LTBP1: variants seen among roughly 807,000 people sequenced by gnomAD.
LTBP1 encodes the protein latent-transforming growth factor beta-binding protein 1.
In LTBP1, 129 loss-of-function variants were observed where a neutral mutation model predicts 207.6. The observed-to-expected ratio is 0.62, with a 90% confidence interval of 0.54 to 0.72. The LOEUF (loss-of-function observed/expected upper bound fraction) is 0.72. Ranked by LOEUF, LTBP1 falls within the 30% of genes least tolerant of loss-of-function variation. The pLI, the probability that LTBP1 is intolerant of heterozygous loss-of-function variation, is 0.00. For synonymous variants in LTBP1, 963 were observed against 833.7 expected, an observed-to-expected ratio of 1.16 and a Z score of -2.67; for missense variants, 2,281 against 2,217.2, an observed-to-expected ratio of 1.03 and a Z score of -0.58.
At chr2:33,238,966 ATTACT>A (rs1202311421) in intron 9 of LTBP1, among the ~76,000 whole-genome samples, 1 of 152,138 alleles carries the variant, frequency 6.6e-6, no homozygotes, top group Admixed American at 6.6e-5. Flanking sequence ...TGTATACCTG[ATTACT>A]TTATATTCTT....
chr2:33,273,332 T>G (rs1337868762), intron 15 of LTBP1, among the ~76,000 whole-genome samples: 1 of 152,236 alleles, frequency 6.6e-6, no homozygotes, highest in Non-Finnish European at 1.5e-5. Flanking sequence ...AACTCATTAA[T>G]AGGCCATTTT....
At chr2:33,337,197 A>G (rs148328932) in intron 24 of LTBP1, among the ~76,000 whole-genome samples, 4 of 152,084 alleles carry the variant, frequency 2.6e-5, no homozygotes, top group African/African-American at 9.7e-5. Context: ...TTCGAGTTCT[A>G]CTCTAGTATG....
At chr2:33,084,014 C>T (rs745704664) in intron 3 of LTBP1, among the ~76,000 whole-genome samples, 48 of 152,074 alleles carry the variant, frequency 3.2e-4, no homozygotes, top group Admixed American at 5.2e-4. Flanking sequence ...GAGACCTTGC[C>T]GAGTGTTAAT....
chr2:33,282,411 G>C (rs952563139), intron 19 of LTBP1, among the ~76,000 whole-genome samples: 2 of 152,082 alleles, frequency 1.3e-5, no homozygotes, highest in Non-Finnish European at 2.9e-5. Flanking sequence ...TTTCTCATGA[G>C]GGCCTTTGCA....
At chr2:33,116,896 A>G (rs2080779606) in intron 4 of LTBP1, among the ~76,000 whole-genome samples, 1 of 152,226 alleles carries the variant, frequency 6.6e-6, no homozygotes, top group African/African-American at 2.4e-5. Context: ...AAGCACGCAC[A>G]GGGTCCCTAT....
chr2:32,995,065 T>A (rs1424138253), intron 2 of LTBP1, among the ~76,000 whole-genome samples: 2 of 152,016 alleles, frequency 1.3e-5, no homozygotes, highest in Admixed American at 1.3e-4. Context: ...GTGCCTGTAG[T>A]CTCAGCTGCT....
chr2:33,298,819 GAAAC>G (rs1316727125), intron 20 of LTBP1, among the ~76,000 whole-genome samples: 3 of 152,040 alleles, frequency 2.0e-5, no homozygotes, highest in Non-Finnish European at 2.9e-5. Context: ...AATAAAATAA[GAAAC>G]AAATTTTTGA....
rs144016941 is a variant in LTBP1, at chr2:33,361,475, T to C, written c.4230T>C (p.Ala1410=). 4.8e-5 allele frequency: 78 copies of C among 1,613,350 alleles called. No homozygotes were observed. The African/African-American group carries it at 9.9e-4, about 20-fold the overall frequency. ...MCPKGKGFVP[A]GESSSEAGGE... is the part of the protein sequence containing the mutation. ...CCAAAGGGAAAGGTTTTGTGCCTGC[T>C]GGAGAATCATCTTCTGAAGCTGGTG... The change falls in exon 28 of 34, where the codon GCT becomes GCC. Residue 1410 remains alanine, a synonymous_variant. Coordinates refer to ENST00000404816, the MANE Select transcript of LTBP1 (RefSeq NM_206943.4).
intron 10 of LTBP1, among the ~76,000 whole-genome samples, chr2:33,247,176 G>A (rs182534776): frequency 5.9e-5 from 9 of 152,346 alleles, no homozygotes; most frequent in Admixed American, 5.9e-4. Context: ...TGACAGAAAT[G>A]GAGGGTTAGA....
chr2:33,141,623 T>C (rs1407011661), intron 5 of LTBP1, among the ~76,000 whole-genome samples: 1 of 152,124 alleles, frequency 6.6e-6, no homozygotes, highest in Non-Finnish European at 1.5e-5. Flanking sequence ...GAAGGCGTGG[T>C]TGCTATTTTA....
At chr2:32,983,109 C>G (rs1572934210) in intron 2 of LTBP1, among the ~76,000 whole-genome samples, 1 of 152,224 alleles carries the variant, frequency 6.6e-6, no homozygotes, top group African/African-American at 2.4e-5. Flanking sequence ...TCCTGCAAAG[C>G]CACAGGGGTG....
intron 5 of LTBP1, among the ~76,000 whole-genome samples, chr2:33,169,642 T>G (rs1001533818): frequency 6.6e-6 from 1 of 152,176 alleles, no homozygotes; most frequent in Non-Finnish European, 1.5e-5. Context: ...ATAAACTTAA[T>G]TATAGAAAAG....
At chr2:33,278,338 T>C (rs2093489330) in intron 18 of LTBP1, among the ~76,000 whole-genome samples, 1 of 152,222 alleles carries the variant, frequency 6.6e-6, no homozygotes, top group African/African-American at 2.4e-5. Flanking sequence ...TATATAATTC[T>C]ATCCCCATGA....
At chr2:33,315,801 G>A (rs982916994) in intron 24 of LTBP1, among the ~76,000 whole-genome samples, 1 of 152,164 alleles carries the variant, frequency 6.6e-6, no homozygotes, top group East Asian at 1.9e-4. Flanking sequence ...GCCAGGTGTG[G>A]TGGTGGGTGT....
intron 4 of LTBP1, among the ~76,000 whole-genome samples, chr2:33,133,740 C>T (rs1466993698): frequency 6.6e-6 from 1 of 152,066 alleles, no homozygotes; most frequent in Non-Finnish European, 1.5e-5. Context: ...GGATTGGGTC[C>T]CTGAACTGTA....
At chr2:32,999,906 G>T (rs1199385856) in intron 2 of LTBP1, among the ~76,000 whole-genome samples, 1 of 134,186 alleles carries the variant, frequency 7.5e-6, no homozygotes, top group Non-Finnish European at 1.6e-5. Flanking sequence ...AGCGTTGTGT[G>T]TGTTGGAGGG....
At chr2:32,947,903 C>A (rs1676480059) in intron 1 of LTBP1, 85 bp downstream of exon 1, 1 of 1,182,586 alleles carries the variant, frequency 8.5e-7, no homozygotes, top group African/African-American at 1.6e-5. Context: ...CCACTCGGAG[C>A]CCCGCGGTGG....
chr2:33,039,228 G>A (rs1278489160), intron 3 of LTBP1, among the ~76,000 whole-genome samples: 1 of 151,958 alleles, frequency 6.6e-6, no homozygotes, highest in African/African-American at 2.4e-5. Flanking sequence ...AGAGTAAATG[G>A]ATAGTAATTT....
intron 5 of LTBP1, among the ~76,000 whole-genome samples, chr2:33,166,723 C>A (rs1256358871): frequency 6.6e-6 from 1 of 152,040 alleles, no homozygotes; most frequent in Non-Finnish European, 1.5e-5. Flanking sequence ...ATATATGGAG[C>A]CCTGAGGAAT....
Sources: gnomAD v4.1 joint callset for allele counts (sites outside exome capture counted in the v4.1 genomes callset) on GRCh38, gnomAD v4.1.1 for gene constraint, MANE v1.5 for transcripts, NCBI Gene and HGNC (gene_info 2026-07-23, HGNC 2026-07-21) for gene names.